The following SRBD1 variants were observed in gnomAD, a reference collection of about 807,000 sequenced individuals.
The protein encoded by SRBD1 is S1 RNA-binding domain-containing protein 1.
A neutral mutation model predicts 115.3 loss-of-function variants in SRBD1; 88 were observed. The observed-to-expected ratio is 0.76, with a 90% CI of 0.64 to 0.91. The LOEUF (loss-of-function observed/expected upper bound fraction) is 0.91. Ranked by LOEUF, SRBD1 falls within the 40% of genes least tolerant of loss-of-function variation. SRBD1 has a pLI of 0.00. For synonymous variants in SRBD1, 509 were observed against 407.7 expected (o/e 1.25, Z -2.99); for missense variants, 1,385 against 1,177.4 (o/e 1.18, Z -2.58).
intron 16 of SRBD1, among the ~76,000 whole-genome samples, chr2:45,421,682 ACTTCT>A (rs1345507520): frequency 1.3e-5 from 2 of 152,050 alleles, no homozygotes; most frequent in Non-Finnish European, 2.9e-5. Context: ...GGGACAGGAG[ACTTCT>A]CTTTACCCAA....
intron 1 of SRBD1, 142 bp from the exon 2 acceptor site, chr2:45,605,583 G>A: frequency 3.9e-6 from 3 of 772,440 alleles, no homozygotes; most frequent in Admixed American, 2.3e-5. Context: ...CCAAACATCA[G>A]TTTCCTCTGC....
At chr2:45,460,811 T>C (rs191426862) in intron 16 of SRBD1, among the ~76,000 whole-genome samples, 2 of 152,330 alleles carry the variant, frequency 1.3e-5, no homozygotes, top group East Asian at 3.9e-4. Context: ...ATCTGAAAGT[T>C]TGAGAGGCCC....
intron 15 of SRBD1, among the ~76,000 whole-genome samples, chr2:45,481,903 A>T (rs1383717868): frequency 1.3e-5 from 2 of 152,166 alleles, no homozygotes; most frequent in Non-Finnish European, 2.9e-5. Flanking sequence ...AACTGTCCAG[A>T]ACAGGAAAAT....
chr2:45,590,331 T>C (rs1431012009), intron 4 of SRBD1, among the ~76,000 whole-genome samples: 2 of 152,174 alleles, frequency 1.3e-5, no homozygotes, highest in African/African-American at 4.8e-5. Context: ...AACAGCATTT[T>C]TGCAAAACAA....
At chr2:45,437,357 T>TAA (rs144108756) in intron 16 of SRBD1, among the ~76,000 whole-genome samples, 18,509 of 133,816 alleles carry the variant, frequency 0.14, 1,410 homozygotes, top group African/African-American at 0.19. Context: ...AGTATTGGTT[T>TAA]AAAAAAAAAA....
intron 14 of SRBD1, among the ~76,000 whole-genome samples, chr2:45,536,403 T>C (rs1422155894): frequency 3.4e-4 from 52 of 152,068 alleles, no homozygotes; most frequent in Admixed American, 3.3e-3. Flanking sequence ...AGACTTGTTC[T>C]AGCAAACCAA....
intron 14 of SRBD1, among the ~76,000 whole-genome samples, chr2:45,534,367 T>C (rs908292740): frequency 3.3e-5 from 5 of 151,894 alleles, no homozygotes; most frequent in Admixed American, 1.3e-4. Flanking sequence ...GGAAACACTA[T>C]AAACAAGAGC....
At chr2:45,529,179 A>C (rs533216067) in intron 14 of SRBD1, among the ~76,000 whole-genome samples, 81 of 152,080 alleles carry the variant, frequency 5.3e-4, no homozygotes, top group African/African-American at 1.9e-3. Flanking sequence ...AATGACAAAA[A>C]AGGATTCTGT....
Position 45,546,726 on chromosome 2 carries a change from C to G in SRBD1, c.1874+6G>C, listed in dbSNP as rs1169853890. On this transcript the variant is annotated splice_donor_region_variant and intron_variant, in intron 14 of 20. Transcript: ENST00000263736. ...CCAAGAAAAGAGATATATGTAATAG[C>G]CTTACCAGTAAACAACATCCAGTGG... 1 of 1,613,084 alleles carries G rather than the reference C, an allele frequency of 6.2e-7. No homozygotes were observed. Among genetic ancestry groups the G allele is most frequent in the African/African-American group, 1.3e-5 (1 of 74,906 alleles).
At chr2:45,573,464 T>C in intron 8 of SRBD1, 122 bp from the exon 9 acceptor site, 1 of 1,134,894 alleles carries the variant, frequency 8.8e-7, no homozygotes, top group African/African-American at 1.6e-5. Flanking sequence ...TTTTTAATGA[T>C]GCCCAGCTAT....
chr2:45,464,151 A>G (rs568886921), intron 16 of SRBD1, among the ~76,000 whole-genome samples: 10 of 152,002 alleles, frequency 6.6e-5, no homozygotes, highest in African/African-American at 2.4e-4. Context: ...ATGCTAAATT[A>G]AAGAACTCCA....
chr2:45,458,614 C>T (rs1287473207), intron 16 of SRBD1, among the ~76,000 whole-genome samples: 1 of 152,142 alleles, frequency 6.6e-6, no homozygotes, highest in African/African-American at 2.4e-5. Context: ...TATCCTTCTT[C>T]ATCAGAACAA....
chr2:45,555,854 G>A lies in SRBD1; in HGVS notation c.1410-2124C>T, dbSNP rs955867087. 2.0e-5 allele frequency among the ~76,000 whole-genome samples: 3 copies of A among 152,138 alleles called. No homozygotes were observed. In the East Asian group the frequency reaches 5.8e-4, roughly 29 times the overall value. On this transcript the variant is annotated intron_variant, in intron 10 of 20. Transcript: ENST00000263736. ...TGGTGTATTAGTCTGTTACGGCACA[G>A]TGGGCATATAAACCTGTTGGTCCTA...
intron 1 of SRBD1, among the ~76,000 whole-genome samples, chr2:45,607,330 C>T (rs1287207861): frequency 6.6e-6 from 1 of 152,118 alleles, no homozygotes; most frequent in Non-Finnish European, 1.5e-5. Flanking sequence ...AGACAACTAG[C>T]TATTCCTCTA....
Position 45,599,774 on chromosome 2 carries a change from A to T in SRBD1, c.323T>A (p.Val108Glu). The T allele has an allele frequency of 6.2e-7, 1 of 1,614,152 alleles. No individual in the cohort carries two copies. Among genetic ancestry groups the T allele is most frequent in the Non-Finnish European group, 8.5e-7 (1 of 1,180,028 alleles). Residue 108 changes from valine to glutamate, a missense_variant, in exon 4 of 21, where the codon GTA (valine) becomes GAA (glutamate). Val to Glu is a moderately radical substitution (Grantham distance 121, BLOSUM62 -2). Transcript: ENST00000263736. The stretch of plus-strand genomic sequence containing the variant: ...TGTCTTGGCTGTTTTCAGAGTCTGT[A>T]CAGTATCCAATTTATTTTTTCTGTC... ...LEDRKNKLDT[V>E]QTLKTAKTKQ... is the part of the protein sequence containing the mutation.
intron 16 of SRBD1, among the ~76,000 whole-genome samples, chr2:45,432,640 A>G (rs915945819): frequency 9.2e-5 from 14 of 152,346 alleles, no homozygotes; most frequent in Admixed American, 9.2e-4. Flanking sequence ...GAGGGCTAAC[A>G]GTGCCAATAA....
intron 16 of SRBD1, among the ~76,000 whole-genome samples, chr2:45,436,691 A>C (rs1373862490): frequency 1.3e-5 from 2 of 152,184 alleles, no homozygotes; most frequent in African/African-American, 2.4e-5. Context: ...CACTATGAGG[A>C]GAACAGCATA....
chr2:45,505,869 T>C (rs1178163174), intron 14 of SRBD1, among the ~76,000 whole-genome samples: 1 of 152,198 alleles, frequency 6.6e-6, no homozygotes, highest in African/African-American at 2.4e-5. Flanking sequence ...CTTCTTTCTA[T>C]TTAGATATCC....
intron 14 of SRBD1, among the ~76,000 whole-genome samples, chr2:45,510,100 G>A (rs993940712): frequency 6.6e-6 from 1 of 152,068 alleles, no homozygotes; most frequent in Non-Finnish European, 1.5e-5. Flanking sequence ...CAAATACTTG[G>A]AGAAACACAG....
Sources: gnomAD v4.1 joint callset for allele counts (sites outside exome capture counted in the v4.1 genomes callset) on GRCh38, gnomAD v4.1.1 for gene constraint, MANE v1.5 for transcripts, NCBI Gene and HGNC (gene_info 2026-07-23, HGNC 2026-07-21) for gene names.